RASAL2: variants seen among roughly 807,000 people sequenced by gnomAD.
RASAL2 encodes the protein RAS protein activator like 2.
Under a neutral mutation model 128.9 loss-of-function variants are expected in RASAL2, and 58 were observed. That is an observed-to-expected ratio of 0.45 (90% CI 0.36 to 0.56). The LOEUF is 0.56. Ranked by LOEUF, RASAL2 falls within the 20% of genes least tolerant of loss-of-function variation. The pLI, the probability that RASAL2 is intolerant of heterozygous loss-of-function variation, is 0.00. For missense variants in RASAL2, 1,360 were observed against 1,601.6 expected, an observed-to-expected ratio of 0.85 and a Z score of 2.57; for synonymous variants, 561 against 580.8, an observed-to-expected ratio of 0.97 and a Z score of 0.49.
chr1:178,328,149 A>AT (rs1213714238), intron 3 of RASAL2, among the ~76,000 whole-genome samples: 1 of 151,980 alleles, frequency 6.6e-6, no homozygotes, highest in Non-Finnish European at 1.5e-5. Context: ...ACATCTGGTT[A>AT]TTTTTTCTGC....
In RASAL2 at chr1:178,458,085, C is replaced by T. The variant is rs1423388875; in HGVS notation, c.2793C>T (p.Asn931=). 6.2e-7 allele frequency: 1 copy of T among 1,614,172 alleles called. No individual in the cohort carries two copies. The highest frequency in any genetic ancestry group is 8.5e-7 in the Non-Finnish European group (1 of 1,180,032). ...AGAACCCTGTCTATCACCTCAATAA[C>T]CCAATTCCAGCAATGCCAAAGGCCT... ...SFQNPVYHLN[N]PIPAMPKASI... Residue 931 remains asparagine, a synonymous_variant, in exon 14 of 18, where the codon AAC becomes AAT. Coordinates refer to ENST00000367649, the MANE Select transcript of RASAL2 (RefSeq NM_170692.4).
At chr1:178,129,603 G>T (rs1406435942) in intron 1 of RASAL2, among the ~76,000 whole-genome samples, 1 of 151,786 alleles carries the variant, frequency 6.6e-6, no homozygotes, top group Admixed American at 6.6e-5. Context: ...AGTTCAGTTC[G>T]TCAGGTTTTT....
At chr1:178,343,960 C>T (rs1364666283) in intron 3 of RASAL2, among the ~76,000 whole-genome samples, 1 of 151,798 alleles carries the variant, frequency 6.6e-6, no homozygotes, top group Non-Finnish European at 1.5e-5. Context: ...CTTGGGATAC[C>T]CATCACCTGA....
intron 1 of RASAL2, among the ~76,000 whole-genome samples, chr1:178,103,575 A>AT (rs543799929): frequency 5.0e-4 from 76 of 151,966 alleles, no homozygotes; most frequent in African/African-American, 1.7e-3. Context: ...TCTTAATTTA[A>AT]TTTTTTTTAA....
chr1:178,230,311 G>A (rs1302755847), intron 1 of RASAL2, among the ~76,000 whole-genome samples: 1 of 152,146 alleles, frequency 6.6e-6, no homozygotes, highest in Non-Finnish European at 1.5e-5. Flanking sequence ...GTAAATACCT[G>A]TAAGTGGAAT....
intron 1 of RASAL2, among the ~76,000 whole-genome samples, chr1:178,127,959 T>C (rs1478750219): frequency 6.6e-6 from 1 of 152,122 alleles, no homozygotes; most frequent in African/African-American, 2.4e-5. Context: ...TGTAACTAAG[T>C]TACTAAAGCT....
chr1:178,326,678 G>A (rs911673659), intron 3 of RASAL2, among the ~76,000 whole-genome samples: 7 of 152,120 alleles, frequency 4.6e-5, no homozygotes, highest in African/African-American at 1.4e-4. Context: ...CCAAGTAGCT[G>A]GGATTACAGG....
intron 1 of RASAL2, among the ~76,000 whole-genome samples, chr1:178,181,202 T>C (rs1662096489): frequency 6.6e-6 from 1 of 152,116 alleles, no homozygotes; most frequent in African/African-American, 2.4e-5. Flanking sequence ...TAGTTTTTGA[T>C]TTATAGAAAA....
intron 3 of RASAL2, among the ~76,000 whole-genome samples, chr1:178,303,814 C>T (rs988445046): frequency 9.2e-5 from 14 of 151,890 alleles, no homozygotes; most frequent in East Asian, 1.9e-4. Context: ...GATATTTTAA[C>T]GAAGAGTTCA....
chr1:178,117,156 A>G (rs1659547294), intron 1 of RASAL2, among the ~76,000 whole-genome samples: 1 of 152,210 alleles, frequency 6.6e-6, no homozygotes, highest in Non-Finnish European at 1.5e-5. Context: ...GTTTACAAAA[A>G]TCAAAATATT....
At chr1:178,360,603 G>T (rs1671055143) in intron 3 of RASAL2, among the ~76,000 whole-genome samples, 1 of 152,162 alleles carries the variant, frequency 6.6e-6, no homozygotes, top group Admixed American at 6.5e-5. Flanking sequence ...AGTCAGCAAG[G>T]TTACAGGCTG....
At chr1:178,108,529 A>G (rs1218686332) in intron 1 of RASAL2, among the ~76,000 whole-genome samples, 1 of 152,204 alleles carries the variant, frequency 6.6e-6, no homozygotes, top group Non-Finnish European at 1.5e-5. Flanking sequence ...CATTTTATAG[A>G]TGAGGAATTA....
rs145403234 is a variant in RASAL2, at chr1:178,183,087, A to G, written c.202+88393A>G. On this transcript the variant is annotated intron_variant, in intron 1 of 17. Coordinates refer to ENST00000367649, the MANE Select transcript of RASAL2 (RefSeq NM_170692.4). ...CTCCTGCTGTGTGGCCCACTTGCTA[A>G]CAGGCCCTAACAGGCCATGGACTGG... Among the ~76,000 whole-genome samples, 621 of 152,284 alleles carry G rather than the reference A, an allele frequency of 4.1e-3. 3 individuals are homozygous for G. The highest frequency in any genetic ancestry group is 0.014 in the African/African-American group (566 of 41,566).
intron 1 of RASAL2, among the ~76,000 whole-genome samples, chr1:178,140,240 A>G: frequency 6.6e-6 from 1 of 152,186 alleles, no homozygotes; most frequent in South Asian, 2.1e-4. Flanking sequence ...TGCAGAAAAT[A>G]CAGAGAGTTC....
chr1:178,120,074 T>G (rs1253468276), intron 1 of RASAL2, among the ~76,000 whole-genome samples: 2 of 152,230 alleles, frequency 1.3e-5, no homozygotes, highest in African/African-American at 2.4e-5. Context: ...TACTTGATAT[T>G]CACATTTTTT....
intron 1 of RASAL2, among the ~76,000 whole-genome samples, chr1:178,101,071 G>A (rs951393821): frequency 1.3e-5 from 2 of 152,090 alleles, no homozygotes; most frequent in Non-Finnish European, 2.9e-5. Flanking sequence ...AAACCCTTTT[G>A]CAAATTTCAT....
At chr1:178,458,873 C>T (rs1400065988) in intron 14 of RASAL2, among the ~76,000 whole-genome samples, 1 of 152,134 alleles carries the variant, frequency 6.6e-6, no homozygotes, top group Admixed American at 6.5e-5. Context: ...GTAGGCAAAA[C>T]CAGCTATTAT....
intron 5 of RASAL2, among the ~76,000 whole-genome samples, chr1:178,438,102 T>G (rs72707029): frequency 8.4e-5 from 12 of 142,152 alleles, no homozygotes; most frequent in South Asian, 2.4e-4. Flanking sequence ...AAATGGTGGC[T>G]TGTGTGTGTG....
At chr1:178,159,535 A>G (rs1045372917) in intron 1 of RASAL2, among the ~76,000 whole-genome samples, 2 of 152,344 alleles carry the variant, frequency 1.3e-5, no homozygotes, top group East Asian at 3.9e-4. Context: ...ACTGATTTAT[A>G]CATCCACTTG....
Sources: allele counts gnomAD v4.1 joint callset (sites outside exome capture counted in the v4.1 genomes callset), GRCh38; gene constraint gnomAD v4.1.1; transcripts MANE v1.5; gene names NCBI Gene and HGNC (gene_info 2026-07-23, HGNC 2026-07-21).